The following WWOX variants were observed in gnomAD, a reference collection of about 807,000 sequenced individuals.
WWOX encodes the protein WW domain containing oxidoreductase.
WWOX carries 69 observed loss-of-function variants against 46.2 expected under a neutral mutation model. The observed-to-expected ratio is 1.49, with a 90% confidence interval of 1.23 to 1.82. The LOEUF (loss-of-function observed/expected upper bound fraction) is 1.82, where lower values mean the gene tolerates loss of function less well. Among genes scored for constraint, WWOX ranks in the 40% most tolerant of loss-of-function variants. WWOX has a pLI of 0.00. For missense variants in WWOX, 919 were observed against 542.6 expected (o/e 1.69, Z -6.89); for synonymous variants, 359 against 202.6 (o/e 1.77, Z -6.56).
chr16:78,113,393 C>A (rs186271953), intron 3 of WWOX, among the ~76,000 whole-genome samples: 1 of 152,364 alleles, frequency 6.6e-6, no homozygotes, highest in African/African-American at 2.4e-5. Context: ...TGATTCAACT[C>A]TGCCTTTGTA....
At chr16:79,052,829 G>A (rs1484628063) in intron 8 of WWOX, among the ~76,000 whole-genome samples, 2 of 152,174 alleles carry the variant, frequency 1.3e-5, no homozygotes, top group Non-Finnish European at 2.9e-5. Context: ...GCACTGAGGA[G>A]CAAGCATTTC....
chr16:78,551,541 A>G (rs1567638582), intron 8 of WWOX: 1 of 152,278 alleles, frequency 6.6e-6, no homozygotes, highest in East Asian at 1.9e-4. Context: ...AAAGGAAAGG[A>G]ATAGCCTAGA....
intron 8 of WWOX, among the ~76,000 whole-genome samples, chr16:78,951,227 A>C (rs1022212746): frequency 1.3e-5 from 2 of 152,216 alleles, no homozygotes; most frequent in Non-Finnish European, 2.9e-5. Flanking sequence ...ATTTCTCTGC[A>C]TCTCTCAGCT....
chr16:78,444,267 G>A (rs568559456), intron 8 of WWOX, among the ~76,000 whole-genome samples: 23 of 152,032 alleles, frequency 1.5e-4, no homozygotes, highest in Non-Finnish European at 2.8e-4. Flanking sequence ...AGATAATTGT[G>A]TGTCTCTGAG....
At chr16:79,022,052 A>G (rs1450188044) in intron 8 of WWOX, among the ~76,000 whole-genome samples, 1 of 152,222 alleles carries the variant, frequency 6.6e-6, no homozygotes, top group Non-Finnish European at 1.5e-5. Flanking sequence ...AGGGTTAGGC[A>G]AAGACAAAGA....
intron 8 of WWOX, among the ~76,000 whole-genome samples, chr16:78,957,244 G>C (rs2046185741): frequency 6.6e-6 from 1 of 152,166 alleles, no homozygotes; most frequent in Non-Finnish European, 1.5e-5. Context: ...CCTTTTGTGT[G>C]ACGAAATAAT....
At chr16:78,717,942 G>A (rs1012239355) in intron 8 of WWOX, among the ~76,000 whole-genome samples, 1 of 152,036 alleles carries the variant, frequency 6.6e-6, no homozygotes, top group East Asian at 1.9e-4. Flanking sequence ...TATTGTAAAT[G>A]GATCCACTTT....
intron 8 of WWOX, among the ~76,000 whole-genome samples, chr16:78,788,026 T>G (rs990734657): frequency 2.0e-5 from 3 of 152,330 alleles, no homozygotes; most frequent in Admixed American, 2.0e-4. Flanking sequence ...AAAAGTTGTT[T>G]ATATATTTTG....
chr16:78,996,048 G>A (rs767919096), intron 8 of WWOX, among the ~76,000 whole-genome samples: 1 of 152,134 alleles, frequency 6.6e-6, no homozygotes, highest in East Asian at 1.9e-4. Flanking sequence ...GAGGGAAACT[G>A]GTGATTCCAA....
At chr16:79,178,120 G>A (rs1368647722) in intron 8 of WWOX, among the ~76,000 whole-genome samples, 1 of 152,116 alleles carries the variant, frequency 6.6e-6, no homozygotes, top group Non-Finnish European at 1.5e-5. Context: ...TTATCACATT[G>A]GAGATTCCTT....
At chr16:78,260,920 G>A (rs1253695713) in intron 5 of WWOX, among the ~76,000 whole-genome samples, 1 of 119,512 alleles carries the variant, frequency 8.4e-6, no homozygotes. Context: ...TTGGGAAACA[G>A]AGTAAGACTC....
chr16:78,645,917 G>A (rs960110730), intron 8 of WWOX, among the ~76,000 whole-genome samples: 13 of 152,112 alleles, frequency 8.5e-5, no homozygotes, highest in African/African-American at 2.9e-4. Context: ...TTGGCTGGTG[G>A]CCACATCTTC....
chr16:78,867,807 C>T (rs931032593), intron 8 of WWOX, among the ~76,000 whole-genome samples: 6 of 152,108 alleles, frequency 3.9e-5, no homozygotes, highest in Admixed American at 6.6e-5. Context: ...CTGACCTCAT[C>T]GCTGCCACTG....
chr16:78,770,019 G>A (rs2050026186), intron 8 of WWOX, among the ~76,000 whole-genome samples: 1 of 151,876 alleles, frequency 6.6e-6, no homozygotes, highest in Non-Finnish European at 1.5e-5. Context: ...ACTACAGCCT[G>A]GGTGACAGAG....
chr16:78,841,043 C>T (rs1546838), intron 8 of WWOX, among the ~76,000 whole-genome samples: 1 of 151,888 alleles, frequency 6.6e-6, no homozygotes, highest in Non-Finnish European at 1.5e-5. Flanking sequence ...TCCAATATAA[C>T]AAAGAACTGC....
At chr16:78,294,876 A>C (rs192922330) in intron 5 of WWOX, among the ~76,000 whole-genome samples, 1 of 152,330 alleles carries the variant, frequency 6.6e-6, no homozygotes, top group African/African-American at 2.4e-5. Flanking sequence ...TGAATGAATG[A>C]ATGGACAAAT....
At chr16:78,484,412 C>T (rs769862502) in intron 8 of WWOX, among the ~76,000 whole-genome samples, 25 of 151,930 alleles carry the variant, frequency 1.6e-4, no homozygotes, top group Non-Finnish European at 3.2e-4. Context: ...TTGAATTGGT[C>T]GATATACTCT....
intron 8 of WWOX, among the ~76,000 whole-genome samples, chr16:78,472,568 G>A (rs537703781): frequency 1.3e-5 from 2 of 152,074 alleles, no homozygotes; most frequent in South Asian, 2.1e-4. Context: ...CAGCACTTTG[G>A]AAGGCCAAGG....
intron 5 of WWOX, among the ~76,000 whole-genome samples, chr16:78,319,312 G>T (rs2080417635): frequency 6.6e-6 from 1 of 152,082 alleles, no homozygotes; most frequent in Non-Finnish European, 1.5e-5. Flanking sequence ...TTTGAGACAG[G>T]GTTTTGCTCT....
Sources: allele counts gnomAD v4.1 joint callset (sites outside exome capture counted in the v4.1 genomes callset), GRCh38; gene constraint gnomAD v4.1.1; transcripts MANE v1.5; gene names NCBI Gene and HGNC (gene_info 2026-07-23, HGNC 2026-07-21).